PUM1: variants seen among roughly 807,000 people sequenced by gnomAD.
The protein encoded by PUM1 is pumilio RNA binding family member 1, also known as pumilio homolog 1.
Under a neutral mutation model 131.8 loss-of-function variants are expected in PUM1, and 13 were observed. The ratio of observed to expected loss-of-function variants is 0.10; its 90% CI spans 0.06 to 0.16. The LOEUF (loss-of-function observed/expected upper bound fraction) is 0.16, where lower values mean the gene tolerates loss of function less well. Among genes scored for constraint, PUM1 ranks in the 10% least tolerant of loss-of-function variants. PUM1 has a pLI of 1.00. For synonymous variants in PUM1, 509 were observed against 556.5 expected (o/e 0.91, Z 1.20); for missense variants, 961 against 1,512.4 (o/e 0.64, Z 6.05).
In PUM1 at chr1:31,054,630, T is replaced by G. The variant is rs897255228; in HGVS notation, c.363+4574A>C. Among the ~76,000 whole-genome samples, 23 of 150,178 alleles carry G rather than the reference T, an allele frequency of 1.5e-4. No individual in the cohort carries two copies. The Admixed American group carries it at 1.5e-3, about 10-fold the overall frequency. ...TTGAGTCATTCTGTCTCTACAGAGA[T>G]AATTTTCCATCCACATTACCACTTA... is the stretch of plus-strand genomic sequence containing the variant. On this transcript the variant is annotated intron_variant, in intron 2 of 21. Transcript: ENST00000426105.
intron 7 of PUM1, among the ~76,000 whole-genome samples, chr1:30,990,534 C>A (rs925084216): frequency 6.6e-6 from 1 of 151,566 alleles, no homozygotes; most frequent in African/African-American, 2.4e-5. Flanking sequence ...AAACAAACAC[C>A]AATTTCCAAT....
chr1:30,995,256 A>G (rs1454166861), intron 5 of PUM1, 36 bp from the exon 6 acceptor site: 29 of 1,611,032 alleles, frequency 1.8e-5, no homozygotes, highest in Non-Finnish European at 2.2e-5. Context: ...ACTAATCGTC[A>G]TCAACTAATA....
intron 1 of PUM1, among the ~76,000 whole-genome samples, chr1:31,061,159 G>A (rs1346330287): frequency 6.6e-6 from 1 of 152,138 alleles, no homozygotes; most frequent in African/African-American, 2.4e-5. Context: ...TCATATTAGT[G>A]TAGAAAGCCT....
intron 10 of PUM1, among the ~76,000 whole-genome samples, chr1:30,973,606 CTAAA>C (rs1218547093): frequency 3.3e-5 from 5 of 152,066 alleles, no homozygotes; most frequent in African/African-American, 7.2e-5. Flanking sequence ...TAAAAGAACA[CTAAA>C]TAACACAGTA....
At chr1:31,000,126 G>A (rs912298091) in intron 5 of PUM1, among the ~76,000 whole-genome samples, 1 of 152,194 alleles carries the variant, frequency 6.6e-6, no homozygotes, top group Non-Finnish European at 1.5e-5. Flanking sequence ...GCTCGGGTAA[G>A]TATCCACAAT....
chr1:30,974,749 G>A lies in PUM1; in HGVS notation c.1408C>T (p.Pro470Ser), dbSNP rs755389934. Residue 470 changes from proline (P) to serine (S), a missense_variant, in exon 10 of 22, where the codon CCT becomes TCT. By Grantham distance (74) the Pro-to-Ser change is moderately conservative (BLOSUM62 -1). This residue lies in a region of PUM1 where 654 missense variants were observed against 923.9 expected (regional missense o/e 0.71). Transcript: ENST00000426105. Reference protein sequence around the residue: ...YYGVTPWGVYPASLFQQQAAA... With the variant: ...YYGVTPWGVYSASLFQQQAAA... ...GCTTGCTGCTGGAAAAGACTGGCAG[G>A]GTAGACTCCCCAGGGAGTAACTCCA... 8 of 1,612,876 alleles carry A rather than the reference G, an allele frequency of 5.0e-6. No individual in the cohort carries two copies. Among genetic ancestry groups the A allele is most frequent in the Non-Finnish European group, 1.7e-6 (2 of 1,179,836 alleles).
At chr1:30,957,197 G>A (rs772658305) in intron 14 of PUM1, among the ~76,000 whole-genome samples, 4 of 151,108 alleles carry the variant, frequency 2.6e-5, no homozygotes, top group Non-Finnish European at 4.4e-5. Context: ...AATGGCAATG[G>A]CAAACTGACA....
In PUM1 at chr1:31,059,435, C is replaced by A. The variant is rs747524354; in HGVS notation, c.132G>T (p.Ser44=). 2.5e-6 allele frequency: 4 copies of A among 1,614,148 alleles called. No individual in the cohort carries two copies. The East Asian group carries it at 8.9e-5, about 36-fold the overall frequency. Residue 44 remains serine (S), a synonymous_variant, in exon 2 of 22, where the codon TCG becomes TCT. Coordinates refer to ENST00000426105, the MANE Select transcript of PUM1 (RefSeq NM_001020658.2). ...MPVVLTSGTG[S]QAQPQPAANQ... ...TTGCAGCTGGTTGTGGCTGCGCTTG[C>A]GACCCTGTTCCAGATGTCAAAACAA...
rs188185207 is a variant in PUM1 at position 30,949,658 on chromosome 1, G to A, written c.2856+469C>T. ...AGGTGTTAGTCATCTCTGTGCTGAT[G>A]AAGTCTGGCACAGAGTGGGCTTCAG... On this transcript the variant is annotated intron_variant, in intron 17 of 21. Transcript: ENST00000426105. Among the ~76,000 whole-genome samples, 790 of 152,176 alleles carry A rather than the reference G, an allele frequency of 5.2e-3. 6 individuals carry two copies. Among genetic ancestry groups the A allele is most frequent in the African/African-American group, 0.018 (730 of 41,416 alleles).
intron 13 of PUM1, among the ~76,000 whole-genome samples, chr1:30,965,221 A>G (rs532203628): frequency 4.6e-5 from 7 of 152,224 alleles, no homozygotes; most frequent in Non-Finnish European, 8.8e-5. Flanking sequence ...ATGGACTAGA[A>G]GAATGCCTTT....
intron 5 of PUM1, among the ~76,000 whole-genome samples, chr1:31,003,022 T>C (rs987776730): frequency 6.6e-6 from 1 of 152,260 alleles, no homozygotes; most frequent in Non-Finnish European, 1.5e-5. Context: ...GTCTCAATTA[T>C]CTGTTGTCAG....
intron 1 of PUM1, among the ~76,000 whole-genome samples, chr1:31,059,899 T>G (rs1250023323): frequency 6.6e-6 from 1 of 151,422 alleles, no homozygotes; most frequent in Non-Finnish European, 1.5e-5. Context: ...CAGGCTAGGG[T>G]GCAATGACGC....
intron 3 of PUM1, among the ~76,000 whole-genome samples, chr1:31,026,278 G>GA (rs1180883671): frequency 1.3e-5 from 2 of 150,426 alleles, no homozygotes; most frequent in South Asian, 2.1e-4. Flanking sequence ...AAAAGAAAAG[G>GA]AAAAAAAAGC....
At chr1:31,026,949 A>C (rs936700761) in intron 3 of PUM1, among the ~76,000 whole-genome samples, 2 of 151,658 alleles carry the variant, frequency 1.3e-5, no homozygotes, top group African/African-American at 4.8e-5. Flanking sequence ...TACCACAAAA[A>C]AAAAAAAAAA....
intron 5 of PUM1, among the ~76,000 whole-genome samples, chr1:31,000,598 G>C (rs952400829): frequency 6.6e-6 from 1 of 152,170 alleles, no homozygotes; most frequent in African/African-American, 2.4e-5. Flanking sequence ...TCTGAATGAA[G>C]TCAGAAGATT....
intron 7 of PUM1, among the ~76,000 whole-genome samples, chr1:30,983,382 C>T (rs1230001558): frequency 6.6e-6 from 1 of 152,162 alleles, no homozygotes; most frequent in Non-Finnish European, 1.5e-5. Context: ...TCAGCTTGTG[C>T]TAGCTGCTTC....
intron 13 of PUM1, among the ~76,000 whole-genome samples, chr1:30,965,115 T>C (rs1364347549): frequency 2.0e-5 from 3 of 152,020 alleles, no homozygotes; most frequent in Admixed American, 6.6e-5. Context: ...ATCAAACATA[T>C]GCCAAATTTA....
chr1:30,944,601 A>C (rs1209735187), intron 18 of PUM1, among the ~76,000 whole-genome samples: 1 of 152,234 alleles, frequency 6.6e-6, no homozygotes, highest in African/African-American at 2.4e-5. Flanking sequence ...ACCAACCTGG[A>C]CTGCATCCCT....
intron 17 of PUM1, among the ~76,000 whole-genome samples, chr1:30,946,172 A>ACT (rs1451232586): frequency 9.9e-5 from 15 of 152,170 alleles, no homozygotes; most frequent in Non-Finnish European, 4.4e-5. Flanking sequence ...TTAACTTAGA[A>ACT]AAGAATTACA....
Sources: gnomAD v4.1 joint callset for allele counts (sites outside exome capture counted in the v4.1 genomes callset) on GRCh38, gnomAD v4.1.1 for gene constraint, gnomAD v4.1.1 regional missense constraint, MANE v1.5 for transcripts, NCBI Gene and HGNC (gene_info 2026-07-23, HGNC 2026-07-21) for gene names.